The following GRM7 variants were observed in gnomAD, a reference collection of about 807,000 sequenced individuals.
GRM7 encodes glutamate metabotropic receptor 7.
In GRM7, 35 loss-of-function variants were observed where a neutral mutation model predicts 84.5. That is an observed-to-expected ratio of 0.41 (90% CI 0.32 to 0.55). GRM7 has a LOEUF of 0.55. Ranked by LOEUF, GRM7 falls within the 20% of genes least tolerant of loss-of-function variation. GRM7 has a pLI of 0.19. For synonymous variants in GRM7, 487 were observed against 455.1 expected (o/e 1.07, Z -0.89); for missense variants, 1,003 against 1,194.6 (o/e 0.84, Z 2.36).
intron 7 of GRM7, among the ~76,000 whole-genome samples, chr3:7,499,617 C>T (rs1026446729): frequency 6.6e-5 from 10 of 152,106 alleles, no homozygotes; most frequent in East Asian, 1.9e-4. Context: ...AACTGGGTCA[C>T]GGAAGATGAA....
At chr3:7,219,158 T>C (rs1248649118) in intron 2 of GRM7, among the ~76,000 whole-genome samples, 1 of 152,224 alleles carries the variant, frequency 6.6e-6, no homozygotes, top group African/African-American at 2.4e-5. Context: ...GCTTTGTTTT[T>C]TTCCCGACTG....
chr3:7,707,494 G>T (rs558172908), intron 9 of GRM7, among the ~76,000 whole-genome samples: 1 of 152,224 alleles, frequency 6.6e-6, no homozygotes, highest in East Asian at 1.9e-4. Context: ...TTCCATGGAG[G>T]CCGCCACTTG....
chr3:6,912,739 C>A (rs1696814621), intron 1 of GRM7, among the ~76,000 whole-genome samples: 1 of 151,954 alleles, frequency 6.6e-6, no homozygotes, highest in Non-Finnish European at 1.5e-5. Context: ...TAATCATAGA[C>A]AAATTCTACC....
At chr3:7,371,538 A>AT (rs1263180545) in intron 4 of GRM7, among the ~76,000 whole-genome samples, 1 of 152,152 alleles carries the variant, frequency 6.6e-6, no homozygotes, top group East Asian at 1.9e-4. Context: ...ATAGCTAATA[A>AT]TTCTTGATTG....
At chr3:7,162,851 C>T (rs776556246) in intron 2 of GRM7, among the ~76,000 whole-genome samples, 3 of 144,872 alleles carry the variant, frequency 2.1e-5, no homozygotes, top group Non-Finnish European at 4.5e-5. Flanking sequence ...CCTCCACCTC[C>T]TGGGTTCAAG....
At chr3:7,067,021 T>C (rs945659617) in intron 1 of GRM7, among the ~76,000 whole-genome samples, 16 of 151,866 alleles carry the variant, frequency 1.1e-4, no homozygotes, top group Non-Finnish European at 4.4e-5. Flanking sequence ...AGGACATACT[T>C]TAATATAATA....
At chr3:7,393,778 T>G (rs984062356) in intron 4 of GRM7, among the ~76,000 whole-genome samples, 18 of 152,198 alleles carry the variant, frequency 1.2e-4, no homozygotes, top group Admixed American at 2.0e-4. Context: ...AGTAGCTTTT[T>G]TCCCAAATTT....
chr3:6,883,218 C>T (rs1011730002), intron 1 of GRM7, among the ~76,000 whole-genome samples: 7 of 152,066 alleles, frequency 4.6e-5, no homozygotes, highest in South Asian at 2.1e-4. Context: ...TCTTTTGTGA[C>T]TTTATGACCT....
chr3:7,522,589 T>C (rs1390470491), intron 7 of GRM7, among the ~76,000 whole-genome samples: 1 of 152,198 alleles, frequency 6.6e-6, no homozygotes. Flanking sequence ...CATACATTTA[T>C]GATGTAGGTA....
intron 4 of GRM7, among the ~76,000 whole-genome samples, chr3:7,380,944 T>C (rs912464301): frequency 6.6e-6 from 1 of 152,136 alleles, no homozygotes; most frequent in Admixed American, 6.5e-5. Flanking sequence ...AAATGGAGAC[T>C]ATAAAAGGAA....
intron 7 of GRM7, among the ~76,000 whole-genome samples, chr3:7,533,193 A>T (rs1221328104): frequency 1.3e-5 from 2 of 152,176 alleles, no homozygotes; most frequent in Non-Finnish European, 2.9e-5. Context: ...AAGAATATAC[A>T]TTCTTCTCAG....
intron 1 of GRM7, among the ~76,000 whole-genome samples, chr3:7,043,236 G>C (rs964043039): frequency 6.6e-6 from 1 of 152,162 alleles, no homozygotes; most frequent in Admixed American, 6.5e-5. Context: ...ATTGAAGCGG[G>C]GGGAGGGGGC....
intron 2 of GRM7, among the ~76,000 whole-genome samples, chr3:7,149,522 G>A (rs1694212798): frequency 6.6e-6 from 1 of 152,128 alleles, no homozygotes; most frequent in Non-Finnish European, 1.5e-5. Context: ...AATTTTATGT[G>A]TTCACTTTTT....
chr3:7,023,785 C>A (rs1010032689), intron 1 of GRM7, among the ~76,000 whole-genome samples: 1 of 152,120 alleles, frequency 6.6e-6, no homozygotes, highest in Non-Finnish European at 1.5e-5. Flanking sequence ...ACCCTATTTC[C>A]AAGTAAGGTC....
At chr3:7,343,390 T>G (rs1692735556) in intron 4 of GRM7, among the ~76,000 whole-genome samples, 4 of 152,020 alleles carry the variant, frequency 2.6e-5, no homozygotes, top group Admixed American at 2.6e-4. Context: ...TGTATTTTTA[T>G]TTTTGTGGAG....
chr3:6,966,388 A>C (rs1693519643), intron 1 of GRM7, among the ~76,000 whole-genome samples: 1 of 152,218 alleles, frequency 6.6e-6, no homozygotes, highest in Non-Finnish European at 1.5e-5. Flanking sequence ...AGTACTTCTG[A>C]GATCTTCTAA....
intron 3 of GRM7, among the ~76,000 whole-genome samples, chr3:7,304,308 C>CTT (rs34986687): frequency 0.044 from 4,296 of 97,926 alleles, 261 homozygotes; most frequent in African/African-American, 0.14. Flanking sequence ...ATCATCCATC[C>CTT]TTTTTTTTTT....
rs75999635 is a variant in GRM7 at position 7,361,312 on chromosome 3, C to T, written c.1034-53711C>T. Among the ~76,000 whole-genome samples, 934 of 152,046 alleles carry T rather than the reference C, an allele frequency of 6.1e-3. 6 individuals are homozygous for T. Among genetic ancestry groups the T allele is most frequent in the African/African-American group, 0.021 (881 of 41,484 alleles). ...TCTACCCTATGCATTTACATTATCCCGAATTCTGAACACCAGCCTGCAAAA... is the reference window on the plus strand; with the variant it reads ...TCTACCCTATGCATTTACATTATCCTGAATTCTGAACACCAGCCTGCAAAA... On this transcript the variant is annotated intron_variant, in intron 4 of 9. Transcript: ENST00000357716.
chr3:6,922,998 T>C (rs1320839960), intron 1 of GRM7, among the ~76,000 whole-genome samples: 1 of 152,068 alleles, frequency 6.6e-6, no homozygotes, highest in Non-Finnish European at 1.5e-5. Flanking sequence ...TTCTTTTCTT[T>C]TCTTGTTTTA....
Sources: gnomAD v4.1 joint callset for allele counts (sites outside exome capture counted in the v4.1 genomes callset) on GRCh38, gnomAD v4.1.1 for gene constraint, MANE v1.5 for transcripts, NCBI Gene and HGNC (gene_info 2026-07-23, HGNC 2026-07-21) for gene names.